Variants in NFYC observed in about 807,000 individuals in gnomAD.
The protein encoded by NFYC is CAAT box DNA-binding protein subunit C.
Under a neutral mutation model 53.1 loss-of-function variants are expected in NFYC, and 25 were observed. That is an observed-to-expected ratio of 0.47 (90% CI 0.34 to 0.66). The LOEUF is 0.66. Among genes scored for constraint, NFYC ranks in the 30% least tolerant of loss-of-function variants. The pLI is 0.01. For missense variants in NFYC, 260 were observed against 422.7 expected, an observed-to-expected ratio of 0.62 and a Z score of 3.38; for synonymous variants, 145 against 152.6, an observed-to-expected ratio of 0.95 and a Z score of 0.37.
At position 40,771,389 on chromosome 1, in the gene NFYC, G is replaced by A; in HGVS notation, c.*561G>A. 1 of 469,722 alleles carries A rather than the reference G, an allele frequency of 2.1e-6. No individual in the cohort carries two copies. Among genetic ancestry groups the A allele is most frequent in the Non-Finnish European group, 4.4e-6 (1 of 226,322 alleles). The allele number at this position is 469,722 out of a possible 1,614,324, so 29.1% of individuals were successfully genotyped here. A position where few individuals can be genotyped will look rare whatever the true frequency, so the allele number is the denominator to read the frequency against. ...CTGTGTATTTGCATCCAGAGGCCAT[G>A]GAAACATTCTTTGCATTTAAGAGAC... On this transcript the variant is annotated 3_prime_UTR_variant, in exon 10 of 10. Coordinates refer to ENST00000447388, the MANE Select transcript of NFYC (RefSeq NM_014223.5).
chr1:40,711,885 A>G lies in NFYC; in HGVS notation c.-9+20018A>G, dbSNP rs191708409. On this transcript the variant is annotated intron_variant, in intron 1 of 9. Coordinates refer to ENST00000447388, the MANE Select transcript of NFYC (RefSeq NM_014223.5). The stretch of plus-strand genomic sequence containing the variant: ...TGAGGCAGCATGGTACAGACCATTT[A>G]AAGTCAAGAGATCTGTGTTCAAGCC... Among the ~76,000 whole-genome samples the G allele has an allele frequency of 4.6e-5, 7 of 152,324 alleles. No individual in the cohort carries two copies. The East Asian group carries it at 1.3e-3, about 29-fold the overall frequency.
intron 1 of NFYC, among the ~76,000 whole-genome samples, chr1:40,715,085 A>AATAAATAAAT (rs1208175188): frequency 3.1e-5 from 1 of 32,272 alleles, no homozygotes; most frequent in Non-Finnish European, 5.2e-5. Context: ...ATGTCTCAAA[A>AATAAATAAAT]CAATAAATAA....
intron 1 of NFYC, among the ~76,000 whole-genome samples, chr1:40,736,591 G>C (rs1645037236): frequency 6.6e-6 from 1 of 152,152 alleles, no homozygotes; most frequent in Non-Finnish European, 1.5e-5. Context: ...ATTCTTAGGA[G>C]AGCACTAAAT....
chr1:40,714,910 C>T (rs1570386326), intron 1 of NFYC, among the ~76,000 whole-genome samples: 1 of 151,750 alleles, frequency 6.6e-6, no homozygotes. Flanking sequence ...TAAACCTCAT[C>T]TCTACTAAAA....
chr1:40,769,245 G>A (rs983124883), intron 8 of NFYC, 111 bp from the exon 9 acceptor site: 11 of 1,064,346 alleles, frequency 1.0e-5, no homozygotes, highest in Non-Finnish European at 1.6e-5. Flanking sequence ...CACCTGCTGG[G>A]CACTTTATAT....
intron 1 of NFYC, among the ~76,000 whole-genome samples, chr1:40,737,901 CTTTTT>C (rs530348029): frequency 8.1e-6 from 1 of 123,154 alleles, no homozygotes; most frequent in Admixed American, 8.3e-5. Context: ...TGCTCTCTCT[CTTTTT>C]TTTTTTTTTT....
At chr1:40,769,098 C>G (rs1171935672) in intron 8 of NFYC, 1 of 421,878 alleles carries the variant, frequency 2.4e-6, no homozygotes, top group Non-Finnish European at 4.4e-6. Flanking sequence ...AGGGAGTAGG[C>G]ATTCATTAGA....
chr1:40,719,152 A>G (rs755759554), intron 1 of NFYC, among the ~76,000 whole-genome samples: 5 of 152,234 alleles, frequency 3.3e-5, no homozygotes, highest in Admixed American at 6.5e-5. Flanking sequence ...TACAGGCGTG[A>G]GCCACGGCGC....
intron 5 of NFYC, among the ~76,000 whole-genome samples, chr1:40,756,261 A>T (rs910675854): frequency 1.3e-5 from 2 of 152,210 alleles, no homozygotes; most frequent in Non-Finnish European, 2.9e-5. Flanking sequence ...CCAGGCTGAC[A>T]TTTATTTATA....
intron 7 of NFYC, among the ~76,000 whole-genome samples, chr1:40,764,737 C>T (rs1030890235): frequency 2.0e-5 from 3 of 152,098 alleles, no homozygotes; most frequent in Non-Finnish European, 2.9e-5. Flanking sequence ...ACTTTATTTC[C>T]CTTTCAAAAA....
At chr1:40,713,408 C>T (rs577405279) in intron 1 of NFYC, among the ~76,000 whole-genome samples, 9 of 152,298 alleles carry the variant, frequency 5.9e-5, no homozygotes, top group African/African-American at 1.4e-4. Flanking sequence ...AAACAGCAAT[C>T]GTGGTCACTT....
At chr1:40,758,428 T>C in intron 6 of NFYC, 134 bp downstream of exon 6, 1 of 1,023,324 alleles carries the variant, frequency 9.8e-7, no homozygotes, top group Non-Finnish European at 1.4e-6. Flanking sequence ...AAACTGGAAC[T>C]TTTCCCCAGA....
rs1557883677 is a variant in NFYC at position 40,753,201 on chromosome 1, C to T, written c.342C>T (p.Leu114=). Residue 114 remains leucine, a synonymous_variant, in exon 5 of 10, where the codon CTC becomes CTT. Coordinates refer to ENST00000447388, the MANE Select transcript of NFYC (RefSeq NM_014223.5). ...AITKFDQFDF[L]IDIVPRDELK... is the part of the protein sequence containing the mutation. ...CAAAATTTGATCAGTTTGATTTTCT[C>T]ATCGATATTGTTCCAAGAGATGAAC... The T allele has an allele frequency of 1.9e-5, 31 of 1,613,862 alleles. No homozygotes were observed. The highest frequency in any genetic ancestry group is 6.7e-5 in the Admixed American group (4 of 60,000).
chr1:40,703,061 C>T (rs1436293664), intron 1 of NFYC, among the ~76,000 whole-genome samples: 2 of 152,208 alleles, frequency 1.3e-5, no homozygotes, highest in Non-Finnish European at 2.9e-5. Context: ...AGGTGATCCA[C>T]CCACCTCGGC....
chr1:40,730,195 C>CTTTTTTTTTTTT (rs34045698), intron 1 of NFYC, among the ~76,000 whole-genome samples: 3 of 102,002 alleles, frequency 2.9e-5, no homozygotes, highest in Non-Finnish European at 3.8e-5. Context: ...TCTTTCTTTT[C>CTTTTTTTTTTTT]TTTTTTTTTT....
chr1:40,704,085 T>C (rs1214813551), intron 1 of NFYC, among the ~76,000 whole-genome samples: 1 of 151,830 alleles, frequency 6.6e-6, no homozygotes, highest in Admixed American at 6.6e-5. Flanking sequence ...TTAAGTGTTT[T>C]TTTTTTTTTT....
intron 1 of NFYC, among the ~76,000 whole-genome samples, chr1:40,733,139 A>G (rs1199303431): frequency 6.6e-6 from 1 of 151,334 alleles, no homozygotes; most frequent in African/African-American, 2.4e-5. Context: ...AATCATATGC[A>G]GATCCTACCC....
chr1:40,744,036 C>T (rs752500603), intron 2 of NFYC, among the ~76,000 whole-genome samples: 3 of 152,170 alleles, frequency 2.0e-5, no homozygotes, highest in Non-Finnish European at 4.4e-5. Context: ...GGCCACAGAC[C>T]GGTATGGGTC....
Position 40,758,573 on chromosome 1 carries a change from A to C in NFYC, c.561+279A>C, listed in dbSNP as rs1570691366. The C allele has an allele frequency of 2.5e-5, 8 of 318,918 alleles. No individual in the cohort carries two copies. In the East Asian group the frequency reaches 4.0e-4, roughly 16 times the overall value. The allele number at this position is 318,918 out of a possible 1,614,324, so 19.8% of individuals were successfully genotyped here. A position where few individuals can be genotyped will look rare whatever the true frequency, so the allele number is the denominator to read the frequency against. On this transcript the variant is annotated intron_variant, in intron 6 of 9. Coordinates refer to ENST00000447388, the MANE Select transcript of NFYC (RefSeq NM_014223.5). ...TCAGAAATTTTAGAAGGGAAAAAAA[A>C]ATGTCTGAAATGCCTTATGAAGAGT...
Sources: gnomAD v4.1 joint callset for allele counts (sites outside exome capture counted in the v4.1 genomes callset) on GRCh38, gnomAD v4.1.1 for gene constraint, MANE v1.5 for transcripts, NCBI Gene and HGNC (gene_info 2026-07-23, HGNC 2026-07-21) for gene names.